Variants in SPIDR observed in about 807,000 individuals in gnomAD.
SPIDR encodes scaffold protein involved in DNA repair, also known as DNA repair-scaffolding protein.
SPIDR carries 93 observed loss-of-function variants against 104.6 expected under a neutral mutation model. The ratio of observed to expected loss-of-function variants is 0.89; its 90% CI spans 0.75 to 1.06. The LOEUF (loss-of-function observed/expected upper bound fraction) is 1.06, where lower values mean the gene tolerates loss of function less well. SPIDR is among the 50% of genes least tolerant of loss of function. The pLI is 0.00. For missense variants in SPIDR, 1,154 were observed against 1,111.2 expected (o/e 1.04, Z -0.55); for synonymous variants, 431 against 416.9 (o/e 1.03, Z -0.41).
At chr8:47,274,444 C>T (rs2035955276) in intron 1 of SPIDR, among the ~76,000 whole-genome samples, 1 of 152,162 alleles carries the variant, frequency 6.6e-6, no homozygotes, top group Admixed American at 6.5e-5. Flanking sequence ...TCTCCAGTAT[C>T]TTCCTAATAA....
chr8:47,377,562 C>G (rs1554643149), intron 5 of SPIDR, among the ~76,000 whole-genome samples: 1 of 152,198 alleles, frequency 6.6e-6, no homozygotes, highest in Non-Finnish European at 1.5e-5. Context: ...TCACTTGGTC[C>G]TAACAGTTGA....
At chr8:47,599,878 T>A (rs1360793134) in intron 10 of SPIDR, among the ~76,000 whole-genome samples, 1 of 152,188 alleles carries the variant, frequency 6.6e-6, no homozygotes. Context: ...GAGATTCTCG[T>A]GCCCAAGTAG....
chr8:47,498,939 C>G (rs1321397183), intron 8 of SPIDR, among the ~76,000 whole-genome samples: 1 of 152,124 alleles, frequency 6.6e-6, no homozygotes, highest in East Asian at 1.9e-4. Flanking sequence ...CAATATGTAC[C>G]TATTTTGCTC....
chr8:47,625,851 T>A (rs2065993339), intron 10 of SPIDR, among the ~76,000 whole-genome samples: 2 of 152,226 alleles, frequency 1.3e-5, no homozygotes, highest in African/African-American at 4.8e-5. Flanking sequence ...CCCATCAAGC[T>A]ACCAGTGACT....
chr8:47,496,331 G>T (rs1278993695), intron 8 of SPIDR, among the ~76,000 whole-genome samples: 2 of 152,086 alleles, frequency 1.3e-5, no homozygotes, highest in Non-Finnish European at 2.9e-5. Context: ...TAGTTGTAGG[G>T]CTTTTGTGGA....
chr8:47,652,741 G>A (rs1274434660), intron 10 of SPIDR, among the ~76,000 whole-genome samples: 1 of 152,160 alleles, frequency 6.6e-6, no homozygotes, highest in Non-Finnish European at 1.5e-5. Context: ...CATTTGCCAA[G>A]GCAGTTTGAT....
chr8:47,611,810 G>A (rs2154431237), intron 10 of SPIDR, among the ~76,000 whole-genome samples: 1 of 152,302 alleles, frequency 6.6e-6, no homozygotes, highest in Non-Finnish European at 1.5e-5. Flanking sequence ...ACCACAGGCA[G>A]ATGATAGAAG....
chr8:47,434,796 A>G (rs1036800694), intron 7 of SPIDR, among the ~76,000 whole-genome samples: 3 of 152,032 alleles, frequency 2.0e-5, no homozygotes, highest in Non-Finnish European at 4.4e-5. Flanking sequence ...TATTTGTTAT[A>G]CTCATATATT....
chr8:47,556,043 A>G (rs1320842637), intron 8 of SPIDR, among the ~76,000 whole-genome samples: 6 of 152,164 alleles, frequency 3.9e-5, no homozygotes, highest in Non-Finnish European at 8.8e-5. Context: ...CCCTACACAG[A>G]TGCCCAATTT....
chr8:47,703,401 C>T (rs1449059100), intron 14 of SPIDR, among the ~76,000 whole-genome samples: 1 of 152,168 alleles, frequency 6.6e-6, no homozygotes, highest in East Asian at 1.9e-4. Flanking sequence ...TCAGTGTTAT[C>T]ACAAGCATGT....
chr8:47,583,792 C>T (rs1421558548), intron 8 of SPIDR, among the ~76,000 whole-genome samples: 1 of 152,226 alleles, frequency 6.6e-6, no homozygotes, highest in Non-Finnish European at 1.5e-5. Flanking sequence ...TGCCCATGTG[C>T]TCCCTTCCTC....
chr8:47,360,754 AC>A, intron 5 of SPIDR: 1 of 804,594 alleles, frequency 1.2e-6, no homozygotes, highest in Non-Finnish European at 1.5e-6. Context: ...ACAAAACAAA[AC>A]AAAAAACAGA....
intron 10 of SPIDR, among the ~76,000 whole-genome samples, chr8:47,656,598 C>G (rs529251441): frequency 6.6e-6 from 1 of 152,316 alleles, no homozygotes; most frequent in South Asian, 2.1e-4. Flanking sequence ...GAGAAACAGT[C>G]TGGCAGTTCC....
rs2084393804 is a variant in SPIDR, at chr8:47,727,274, G to C, written c.2416G>C (p.Glu806Gln). Residue 806 changes from glutamate (E) to glutamine (Q), a missense_variant, in exon 17 of 20, where the codon GAA becomes CAA. Glu to Gln is a conservative substitution (Grantham distance 29, BLOSUM62 2). Coordinates refer to ENST00000297423, the MANE Select transcript of SPIDR (RefSeq NM_001080394.4). ...TGACATGTGTGGCAACGGGAGATTG[G>C]AACAGAGGCCGGAAGACAGGTAAGG... ...VCDMCGNGRL[E>Q]QRPEDRGAFS... 6.2e-7 allele frequency: 1 copy of C among 1,613,990 alleles called. No homozygotes were observed. Among genetic ancestry groups the C allele is most frequent in the South Asian group, 1.1e-5 (1 of 91,074 alleles).
chr8:47,412,979 C>T (rs1414660913), intron 7 of SPIDR, among the ~76,000 whole-genome samples: 1 of 152,194 alleles, frequency 6.6e-6, no homozygotes, highest in East Asian at 1.9e-4. Context: ...CTTCTTTTGA[C>T]TCCCTTCTTT....
intron 8 of SPIDR, among the ~76,000 whole-genome samples, chr8:47,590,806 T>G (rs2154419030): frequency 6.6e-6 from 1 of 152,350 alleles, no homozygotes. Flanking sequence ...AGTTTTTGCT[T>G]CATGTATTTT....
chr8:47,261,614 C>T lies in SPIDR; in HGVS notation c.33+623C>T, dbSNP rs529911093. On this transcript the variant is annotated intron_variant, in intron 1 of 19. Transcript: ENST00000297423. ...TCGTTTTAAAGTTTCTTCTAACTTC[C>T]TTGCTTTCAAATACGTTTGTCTCAT... Among the ~76,000 whole-genome samples, 13 of 152,340 alleles carry T rather than the reference C, an allele frequency of 8.5e-5. No individual in the cohort carries two copies. The South Asian group carries it at 2.1e-3, about 24-fold the overall frequency.
chr8:47,674,374 T>C (rs1014772823), intron 11 of SPIDR, among the ~76,000 whole-genome samples: 2 of 152,200 alleles, frequency 1.3e-5, no homozygotes, highest in African/African-American at 4.8e-5. Flanking sequence ...CAAGCATTGT[T>C]CTCTGCCAGG....
intron 5 of SPIDR, among the ~76,000 whole-genome samples, chr8:47,336,680 A>G (rs1304181323): frequency 6.6e-6 from 1 of 152,200 alleles, no homozygotes; most frequent in Non-Finnish European, 1.5e-5. Context: ...TGAGGAAGGA[A>G]CTCAGATAAA....
Sources: gnomAD v4.1 joint callset for allele counts (sites outside exome capture counted in the v4.1 genomes callset) on GRCh38, gnomAD v4.1.1 for gene constraint, MANE v1.5 for transcripts, NCBI Gene and HGNC (gene_info 2026-07-23, HGNC 2026-07-21) for gene names.